Variants in UNKL observed in about 807,000 individuals in gnomAD.
UNKL encodes unk like zinc finger.
A neutral mutation model predicts 78.0 loss-of-function variants in UNKL; 60 were observed. The observed-to-expected ratio is 0.77, with a 90% CI of 0.63 to 0.95. The LOEUF (loss-of-function observed/expected upper bound fraction) is 0.95, where lower values mean the gene tolerates loss of function less well. Ranked by LOEUF, UNKL falls within the 40% of genes least tolerant of loss-of-function variation. The probability of loss-of-function intolerance (pLI) is 0.00; values close to 1 mark genes in which losing one functional copy is unlikely to be tolerated. For missense variants in UNKL, 1,159 were observed against 1,045.7 expected, an observed-to-expected ratio of 1.11 and a Z score of -1.49; for synonymous variants, 608 against 474.8, an observed-to-expected ratio of 1.28 and a Z score of -3.65.
chr16:1,411,172 T>G (rs56087175), intron 2 of UNKL, among the ~76,000 whole-genome samples: 2 of 151,910 alleles, frequency 1.3e-5, no homozygotes, highest in South Asian at 4.2e-4. Flanking sequence ...GCCTGGACAA[T>G]GTAGCAAAAC....
rs1397720165 is a variant in UNKL at position 1,365,192 on chromosome 16, C to A, written c.*1048G>T. The stretch of plus-strand genomic sequence containing the variant: ...TATTTTTACTAAGACGGGGTTGCAC[C>A]ATGTTGGCCAGGCTGGTCTTGAACT... On this transcript the variant is annotated 3_prime_UTR_variant, in exon 15 of 15. Coordinates refer to ENST00000389221, the MANE Select transcript of UNKL (RefSeq NM_001372107.1). 1.3e-5 allele frequency: 2 copies of A among 152,082 alleles called. No individual in the cohort carries two copies. The highest frequency in any genetic ancestry group is 4.8e-5 in the African/African-American group (2 of 41,402). 9.4% of individuals were successfully genotyped at this position (152,082 alleles called of 1,614,324 possible).
At chr16:1,380,672 G>GGTTTTT (rs1567215031) in intron 10 of UNKL, among the ~76,000 whole-genome samples, 1 of 32,948 alleles carries the variant, frequency 3.0e-5, no homozygotes, top group African/African-American at 1.1e-4. Context: ...GCTGGTTCAG[G>GGTTTTT]ATTTTTTTTT....
chr16:1,378,744 C>T (rs2036428672), intron 10 of UNKL, among the ~76,000 whole-genome samples: 1 of 152,108 alleles, frequency 6.6e-6, no homozygotes. Flanking sequence ...AGACTCCGGC[C>T]CCGCTTCAAA....
At chr16:1,366,467 C>A in intron 14 of UNKL, 72 bp from the exon 15 acceptor site, 10 of 1,469,080 alleles carry the variant, frequency 6.8e-6, no homozygotes, top group Non-Finnish European at 9.1e-6. Context: ...GCCGGAGGGC[C>A]TTCCGGGCAG....
chr16:1,391,989 T>C (rs931522377), intron 8 of UNKL, among the ~76,000 whole-genome samples: 1 of 152,090 alleles, frequency 6.6e-6, no homozygotes, highest in Non-Finnish European at 1.5e-5. Context: ...CGCCCGGCCC[T>C]GAGTTCCATT....
intron 11 of UNKL, among the ~76,000 whole-genome samples, chr16:1,370,961 T>TA (rs2035771057): frequency 1.3e-5 from 2 of 151,628 alleles, no homozygotes; most frequent in South Asian, 4.2e-4. Context: ...CGGGCACCTG[T>TA]AGTCCCAGCT....
At chr16:1,368,061 C>A in intron 12 of UNKL, 2 of 534,028 alleles carry the variant, frequency 3.7e-6, no homozygotes, top group Admixed American at 3.4e-5. Context: ...ACAGTGACAC[C>A]TGCCCCGGCC....
At chr16:1,394,937 G>GC (rs2037196942) in intron 6 of UNKL, among the ~76,000 whole-genome samples, 1 of 152,206 alleles carries the variant, frequency 6.6e-6, no homozygotes, top group African/African-American at 2.4e-5. Flanking sequence ...GAGTGCAGTC[G>GC]CAAGATCTCG....
chr16:1,393,937 A>G (rs1381078008), intron 7 of UNKL, among the ~76,000 whole-genome samples, 194 bp downstream of exon 7: 4 of 152,152 alleles, frequency 2.6e-5, no homozygotes, highest in Non-Finnish European at 5.9e-5. Context: ...GAGGGAGCCC[A>G]GCCTCACATG....
chr16:1,398,681 A>ACACCCCCC, intron 5 of UNKL: 1 of 694,534 alleles, frequency 1.4e-6, no homozygotes, highest in South Asian at 2.2e-5. Flanking sequence ...TGGGGTCTGC[A>ACACCCCCC]CCCCCCCACC....
chr16:1,385,149 A>T, intron 10 of UNKL, 59 bp downstream of exon 10: 1 of 1,180,604 alleles, frequency 8.5e-7, no homozygotes, highest in Non-Finnish European at 1.1e-6. Context: ...TGTCCCTGAA[A>T]AGCTACAGCA....
intron 12 of UNKL, chr16:1,369,848 G>A (rs1364388714): frequency 1.5e-5 from 18 of 1,180,268 alleles, no homozygotes; most frequent in African/African-American, 4.6e-5. Context: ...GGTGGCGCCC[G>A]CCTGTAGTCC....
chr16:1,407,708 A>AAG (rs2037832154), intron 2 of UNKL, among the ~76,000 whole-genome samples: 1 of 151,160 alleles, frequency 6.6e-6, no homozygotes, highest in Non-Finnish European at 1.5e-5. Context: ...AAAAAAAAAA[A>AAG]AGGACAAACC....
At chr16:1,390,451 G>A (rs1047183044) in intron 9 of UNKL, among the ~76,000 whole-genome samples, 181 bp downstream of exon 9, 6 of 152,230 alleles carry the variant, frequency 3.9e-5, no homozygotes, top group Non-Finnish European at 8.8e-5. Context: ...GGGGTACCAG[G>A]AAAGAGCTAA....
Position 1,366,351 on chromosome 16 carries a change from C to T in UNKL, c.2091G>A (p.Glu697=), listed in dbSNP as rs768783438. 1 of 1,604,972 alleles carries T rather than the reference C, an allele frequency of 6.2e-7. No individual in the cohort carries two copies. The highest frequency in any genetic ancestry group is 2.2e-5 in the East Asian group (1 of 44,586). Residue 697 remains glutamate, a synonymous_variant, in exon 15 of 15, where the codon GAG becomes GAA. Coordinates refer to ENST00000389221, the MANE Select transcript of UNKL (RefSeq NM_001372107.1). ...GCCGCAGGACAGCACCGTGGGCCCG[C>T]TCCCGGCAGGCCACACACTGCTTGG... ...LRAKQCVACR[E]RAHGAVLRPC...
At chr16:1,370,910 C>T (rs1436034552) in intron 11 of UNKL, among the ~76,000 whole-genome samples, 3 of 151,942 alleles carry the variant, frequency 2.0e-5, no homozygotes, top group African/African-American at 7.3e-5. Context: ...GGTGAAACCC[C>T]GTCTCTATTA....
Position 1,371,571 on chromosome 16 carries a change from T to A in UNKL, c.1305A>T (p.Ala435=). 1 of 1,536,208 alleles carries A rather than the reference T, an allele frequency of 6.5e-7. No individual in the cohort carries two copies. The highest frequency in any genetic ancestry group is 8.7e-7 in the Non-Finnish European group (1 of 1,146,912). ...LDLHLSNVNI[A]SLEKDLEEQD... ...GCTCTTCCAGGTCCTTCTCTAGGGA[T>A]GCAATATTCACATTGCTAAGATGCA... The change falls in exon 11 of 15, where the codon GCA becomes GCT. Residue 435 remains alanine, a synonymous_variant. Coordinates refer to ENST00000389221, the MANE Select transcript of UNKL (RefSeq NM_001372107.1).
Position 1,363,485 on chromosome 16 carries a change from G to C in UNKL, c.*2755C>G. On this transcript the variant is annotated 3_prime_UTR_variant, in exon 15 of 15. Transcript: ENST00000389221. Reference sequence around the variant, plus strand: ...AGGTCTGCTGACCACAGTTACACACGTCGTGACACCACTGTATCACGGCGA... The same window carrying C: ...AGGTCTGCTGACCACAGTTACACACCTCGTGACACCACTGTATCACGGCGA... 3.1e-6 allele frequency: 1 copy of C among 318,080 alleles called. No individual in the cohort carries two copies. The highest frequency in any genetic ancestry group is 2.6e-5 in the South Asian group (1 of 38,814). 19.7% of individuals were successfully genotyped at this position (318,080 alleles called of 1,614,324 possible). A position where few individuals can be genotyped will look rare whatever the true frequency, so the allele number is the denominator to read the frequency against.
At chr16:1,413,798 G>A in intron 2 of UNKL, 48 bp downstream of exon 2, 2 of 1,476,244 alleles carry the variant, frequency 1.4e-6, no homozygotes, top group Non-Finnish European at 1.8e-6. Flanking sequence ...CCCGGGTGGA[G>A]GCCCCCCACC....
Sources: allele counts gnomAD v4.1 joint callset (sites outside exome capture counted in the v4.1 genomes callset), GRCh38; gene constraint gnomAD v4.1.1; transcripts MANE v1.5; gene names NCBI Gene and HGNC (gene_info 2026-07-23, HGNC 2026-07-21).